CACNA1D: variants seen among roughly 807,000 people sequenced by gnomAD.
CACNA1D encodes the protein voltage-dependent L-type calcium channel subunit alpha-1D.
Under a neutral mutation model 257.1 loss-of-function variants are expected in CACNA1D, and 55 were observed. The ratio of observed to expected loss-of-function variants is 0.21; its 90% CI spans 0.17 to 0.27. The LOEUF is 0.27. Among genes scored for constraint, CACNA1D ranks in the 10% least tolerant of loss-of-function variants. CACNA1D has a pLI of 1.00. For synonymous variants in CACNA1D, 980 were observed against 1,014.9 expected (o/e 0.97, Z 0.65); for missense variants, 1,876 against 2,784.0 (o/e 0.67, Z 7.34).
chr3:53,737,766 T>C (rs1417696755), intron 20 of CACNA1D, among the ~76,000 whole-genome samples: 1 of 152,202 alleles, frequency 6.6e-6, no homozygotes. Context: ...GAGGTTGCAG[T>C]GAACTGAGAT....
intron 15 of CACNA1D, among the ~76,000 whole-genome samples, chr3:53,729,677 T>A (rs1254073048): frequency 6.6e-6 from 1 of 152,208 alleles, no homozygotes; most frequent in Non-Finnish European, 1.5e-5. Context: ...AATATGATAA[T>A]TTGTTCAGTC....
intron 3 of CACNA1D, among the ~76,000 whole-genome samples, chr3:53,618,268 G>A (rs1023045870): frequency 9.2e-5 from 14 of 152,182 alleles, no homozygotes; most frequent in South Asian, 2.1e-4. Flanking sequence ...CACCAAGGTC[G>A]CCCAGGTGCT....
chr3:53,809,295 G>A (rs2095583844), intron 46 of CACNA1D: 1 of 169,194 alleles, frequency 5.9e-6, no homozygotes, highest in African/African-American at 2.4e-5. Flanking sequence ...AGGCAAGAGG[G>A]TGGGGCCGGA....
At position 53,620,048 on chromosome 3, in the gene CACNA1D, G is replaced by A. The variant is rs7634958; in HGVS notation, c.484-30731G>A. Among the ~76,000 whole-genome samples, 1,171 of 152,270 alleles carry A rather than the reference G, an allele frequency of 7.7e-3. 15 individuals are homozygous for A. Among genetic ancestry groups the A allele is most frequent in the African/African-American group, 0.027 (1,125 of 41,548 alleles). On this transcript the variant is annotated intron_variant, in intron 3 of 47. Transcript: ENST00000350061. ...AAGAAAATTTATGAAAAATTAAATAGCAATGTAAGTAGGACACACTAAAAT... is the reference window on the plus strand; with the variant it reads ...AAGAAAATTTATGAAAAATTAAATAACAATGTAAGTAGGACACACTAAAAT...
intron 3 of CACNA1D, among the ~76,000 whole-genome samples, chr3:53,528,151 T>C (rs528502863): frequency 6.6e-6 from 1 of 152,362 alleles, no homozygotes; most frequent in South Asian, 2.1e-4. Flanking sequence ...TATATGATGT[T>C]AGCTTTTGCA....
chr3:53,581,446 A>T (rs1384263090), intron 3 of CACNA1D, among the ~76,000 whole-genome samples: 1 of 152,190 alleles, frequency 6.6e-6, no homozygotes, highest in Non-Finnish European at 1.5e-5. Context: ...CATCACACAC[A>T]CACAAAGACA....
intron 3 of CACNA1D, among the ~76,000 whole-genome samples, chr3:53,567,376 T>G (rs2092863409): frequency 6.6e-6 from 1 of 152,378 alleles, no homozygotes; most frequent in South Asian, 2.1e-4. Context: ...TCAGCTCCTG[T>G]GCTGTTGAAC....
intron 9 of CACNA1D, among the ~76,000 whole-genome samples, chr3:53,712,467 C>A (rs1289844451): frequency 6.6e-6 from 1 of 152,196 alleles, no homozygotes; most frequent in Non-Finnish European, 1.5e-5. Context: ...CCAAGAAGAG[C>A]CTGGCTTCTT....
intron 3 of CACNA1D, among the ~76,000 whole-genome samples, chr3:53,570,014 C>T (rs752330677): frequency 2.4e-4 from 37 of 152,090 alleles, no homozygotes; most frequent in Admixed American, 5.9e-4. Context: ...CTTAGCTATA[C>T]GGATAATCTT....
At chr3:53,775,582 T>C (rs2095392304) in intron 34 of CACNA1D, among the ~76,000 whole-genome samples, 1 of 152,276 alleles carries the variant, frequency 6.6e-6, no homozygotes, top group Non-Finnish European at 1.5e-5. Context: ...AATTAATTAC[T>C]GTTAATTATA....
intron 3 of CACNA1D, among the ~76,000 whole-genome samples, chr3:53,534,043 C>T (rs770993018): frequency 2.0e-5 from 3 of 152,232 alleles, no homozygotes; most frequent in African/African-American, 4.8e-5. Flanking sequence ...TGAGTTACCC[C>T]GGGGTTCAAG....
At chr3:53,551,563 G>A (rs555426267) in intron 3 of CACNA1D, among the ~76,000 whole-genome samples, 4 of 152,292 alleles carry the variant, frequency 2.6e-5, no homozygotes, top group East Asian at 1.9e-4. Flanking sequence ...ATGAGGTATC[G>A]AGTATGTGCT....
At chr3:53,557,398 G>A (rs2092664953) in intron 3 of CACNA1D, among the ~76,000 whole-genome samples, 1 of 152,082 alleles carries the variant, frequency 6.6e-6, no homozygotes, top group Non-Finnish European at 1.5e-5. Context: ...GGAGGCTGGG[G>A]CAGGAGAATT....
At chr3:53,578,837 A>G (rs928929816) in intron 3 of CACNA1D, among the ~76,000 whole-genome samples, 16 of 152,314 alleles carry the variant, frequency 1.1e-4, no homozygotes, top group African/African-American at 3.9e-4. Flanking sequence ...CTGCATTTTC[A>G]TTTTGCACTG....
In CACNA1D at chr3:53,745,619, C is replaced by A; in HGVS notation, c.3007-5C>A. 1 of 1,599,960 alleles carries A rather than the reference C, an allele frequency of 6.3e-7. No individual in the cohort carries two copies. Among genetic ancestry groups the A allele is most frequent in the Non-Finnish European group, 8.6e-7 (1 of 1,167,172 alleles). Reference sequence around the variant, plus strand: ...AAGAGTCACGCCCCTCTGCCCTCTCCGCAGCACGTGGTCCAGTGCGTCTTC... The same window carrying A: ...AAGAGTCACGCCCCTCTGCCCTCTCAGCAGCACGTGGTCCAGTGCGTCTTC... On this transcript the variant is annotated splice_region_variant and splice_polypyrimidine_tract_variant and intron_variant, in intron 23 of 47. Coordinates refer to ENST00000350061, the MANE Select transcript of CACNA1D (RefSeq NM_001128840.3).
intron 3 of CACNA1D, among the ~76,000 whole-genome samples, chr3:53,552,088 G>A (rs1237695608): frequency 6.6e-6 from 1 of 152,148 alleles, no homozygotes; most frequent in East Asian, 1.9e-4. Flanking sequence ...ACTTGTACGG[G>A]CAACTCAGTG....
At chr3:53,703,787 G>A (rs1268991270) in intron 9 of CACNA1D, among the ~76,000 whole-genome samples, 1 of 152,198 alleles carries the variant, frequency 6.6e-6, no homozygotes, top group Non-Finnish European at 1.5e-5. Context: ...GGGTACAGGG[G>A]AAACCCAGAG....
At chr3:53,577,079 T>C (rs1457257286) in intron 3 of CACNA1D, among the ~76,000 whole-genome samples, 1 of 152,178 alleles carries the variant, frequency 6.6e-6, no homozygotes, top group African/African-American at 2.4e-5. Flanking sequence ...CATTGTAGAA[T>C]AGTGGGGTGT....
At chr3:53,735,304 C>T in intron 19 of CACNA1D, 70 bp from the exon 20 acceptor site, 2 of 1,464,674 alleles carry the variant, frequency 1.4e-6, no homozygotes, top group Non-Finnish European at 1.9e-6. Context: ...GCAGTGGCCC[C>T]ACACTCTTAA....
Sources: allele counts gnomAD v4.1 joint callset (sites outside exome capture counted in the v4.1 genomes callset), GRCh38; gene constraint gnomAD v4.1.1; transcripts MANE v1.5; gene names NCBI Gene and HGNC (gene_info 2026-07-23, HGNC 2026-07-21).